PCDHGA1: variants seen among roughly 807,000 people sequenced by gnomAD.
The protein encoded by PCDHGA1 is protocadherin gamma subfamily A, 1.
PCDHGA1 carries 32 observed loss-of-function variants against 58.0 expected under a neutral mutation model. The ratio of observed to expected loss-of-function variants is 0.55; its 90% CI spans 0.42 to 0.74. The LOEUF (loss-of-function observed/expected upper bound fraction) is 0.74. PCDHGA1 is among the 30% of genes least tolerant of loss of function. PCDHGA1 has a pLI of 0.00. For missense variants in PCDHGA1, 1,205 were observed against 1,182.3 expected (o/e 1.02, Z -0.28); for synonymous variants, 498 against 501.1 (o/e 0.99, Z 0.08).
intron 1 of PCDHGA1, chr5:141,345,463 A>G (rs775001593): frequency 9.3e-6 from 15 of 1,614,042 alleles, no homozygotes; most frequent in Admixed American, 6.7e-5. Context: ...GTGACAGCCC[A>G]GGACCCAGAT....
intron 1 of PCDHGA1, chr5:141,343,393 G>A (rs1757282862): frequency 3.1e-6 from 3 of 980,536 alleles, no homozygotes; most frequent in East Asian, 1.1e-4. Context: ...AGAGGAGGTG[G>A]ATATCTTATC....
chr5:141,340,215 T>C, intron 1 of PCDHGA1: 1 of 1,614,122 alleles, frequency 6.2e-7, no homozygotes, highest in Non-Finnish European at 8.5e-7. Context: ...AGGGAACAGT[T>C]TTCCTTTTAC....
intron 1 of PCDHGA1, among the ~76,000 whole-genome samples, chr5:141,467,254 T>C (rs1291193879): frequency 2.0e-5 from 3 of 152,248 alleles, no homozygotes; most frequent in Admixed American, 6.5e-5. Flanking sequence ...GGTTTCACCA[T>C]GTTGGCCAGG....
intron 1 of PCDHGA1, among the ~76,000 whole-genome samples, chr5:141,450,564 G>A (rs1397334260): frequency 2.0e-5 from 3 of 151,932 alleles, no homozygotes; most frequent in African/African-American, 7.3e-5. Context: ...TCGGCTCACT[G>A]CAACTTCTGC....
At chr5:141,359,702 A>G (rs1341574293) in intron 1 of PCDHGA1, among the ~76,000 whole-genome samples, 1 of 152,168 alleles carries the variant, frequency 6.6e-6, no homozygotes, top group African/African-American at 2.4e-5. Flanking sequence ...CCGGAAGGAT[A>G]CCTAAGAAAC....
intron 1 of PCDHGA1, chr5:141,427,312 C>T (rs1438759401): frequency 4.4e-6 from 2 of 456,954 alleles, no homozygotes; most frequent in East Asian, 6.9e-5. Context: ...GACAATGCCC[C>T]AGACGTGGTT....
intron 1 of PCDHGA1, among the ~76,000 whole-genome samples, chr5:141,467,903 C>G (rs1256664266): frequency 6.6e-6 from 1 of 152,156 alleles, no homozygotes. Context: ...AAGAAATCCG[C>G]CCACCTCAGC....
At position 141,333,068 on chromosome 5, in the gene PCDHGA1, A is replaced by G. The variant is rs1756444610; in HGVS notation, c.2384A>G (p.Gln795Arg). Residue 795 changes from glutamine to arginine, a missense_variant, in exon 1 of 4, where the codon CAG becomes CGG. Coordinates refer to ENST00000517417, the MANE Select transcript of PCDHGA1 (RefSeq NM_018912.3). ...AAAAAGGGTTTTCTATCAGCACCCCAGTCTTTACTTGAAGACAAAAAGGAA... is the reference window on the plus strand; with the variant it reads ...AAAAAGGGTTTTCTATCAGCACCCCGGTCTTTACTTGAAGACAAAAAGGAA... Reference protein sequence around the residue: ...CEKKGFLSAPQSLLEDKKEPF... With the variant: ...CEKKGFLSAPRSLLEDKKEPF... The G allele has an allele frequency of 4.3e-6, 7 of 1,614,238 alleles. No homozygotes were observed. The highest frequency in any genetic ancestry group is 5.9e-6 in the Non-Finnish European group (7 of 1,180,044).
At chr5:141,449,106 T>A (rs2154562506) in intron 1 of PCDHGA1, among the ~76,000 whole-genome samples, 2 of 152,314 alleles carry the variant, frequency 1.3e-5, no homozygotes, top group East Asian at 3.9e-4. Context: ...ATGCAGTATA[T>A]CTTTGGGATG....
chr5:141,421,255 C>T lies in PCDHGA1; in HGVS notation c.2422-73552C>T, dbSNP rs759899934. On this transcript the variant is annotated intron_variant, in intron 1 of 3. Coordinates refer to ENST00000517417, the MANE Select transcript of PCDHGA1 (RefSeq NM_018912.3). ...GGCGAATCGGCTACAGCGCGGGGAC[C>T]GCAGTCGGCTGCTGCTGCTGCTGTG... 5.2e-5 allele frequency: 84 copies of T among 1,607,644 alleles called. No individual in the cohort carries two copies. Among genetic ancestry groups the T allele is most frequent in the Non-Finnish European group, 6.8e-5 (80 of 1,177,916 alleles).
intron 1 of PCDHGA1, chr5:141,345,659 C>A (rs752231427): frequency 1.9e-6 from 3 of 1,614,122 alleles, no homozygotes; most frequent in Non-Finnish European, 2.5e-6. Context: ...ACCCTCCACT[C>A]AGCAGCAACG....
chr5:141,442,343 G>A (rs1300318674), intron 1 of PCDHGA1: 1 of 152,336 alleles, frequency 6.6e-6, no homozygotes, highest in African/African-American at 2.4e-5. Context: ...CAGGTTTCTG[G>A]GTAACTGTAG....
chr5:141,478,394 G>T (rs2099453142), intron 1 of PCDHGA1: 4 of 1,613,586 alleles, frequency 2.5e-6, no homozygotes, highest in Non-Finnish European at 3.4e-6. Flanking sequence ...TTACCATCAG[G>T]TGTATCTCAC....
chr5:141,500,182 A>ATTTT lies in PCDHGA1; in HGVS notation c.2481-5209_2481-5206dup, dbSNP rs1199992745. Among the ~76,000 whole-genome samples the ATTTT allele has an allele frequency of 1.7e-3, 223 of 131,716 alleles. 2 individuals are homozygous for ATTTT. Among genetic ancestry groups the ATTTT allele is most frequent in the African/African-American group, 6.2e-3 (201 of 32,350 alleles). The allele number at this position is 131,716 out of a possible 152,430, so 86.4% of individuals were successfully genotyped here. On this transcript the variant is annotated intron_variant, in intron 2 of 3. Transcript: ENST00000517417. ...AAGAACATGCATGAGCTTCATTTTT[A>ATTTT]TTTTTATTTATTTATTTATTTATTT...
chr5:141,356,098 G>A (rs762147149), intron 1 of PCDHGA1: 3 of 1,613,902 alleles, frequency 1.9e-6, no homozygotes, highest in Admixed American at 1.7e-5. Context: ...TCTGAGTGGG[G>A]ATATAACAAT....
rs1375291090 is a variant in PCDHGA1, at chr5:141,392,672, T to A, written c.2421+59567T>A. 5.7e-6 allele frequency: 5 copies of A among 880,364 alleles called. No homozygotes were observed. In the Admixed American group the frequency reaches 1.3e-4, roughly 22 times the overall value. 54.5% of individuals were successfully genotyped at this position (880,364 alleles called of 1,614,324 possible). A position where few individuals can be genotyped will look rare whatever the true frequency, so the allele number is the denominator to read the frequency against. Reference sequence around the variant, plus strand: ...CCCGCAGATGCCACAAACTAACTGCTGGACTGCAGCGAAACCCGACCCCTG... The same window carrying A: ...CCCGCAGATGCCACAAACTAACTGCAGGACTGCAGCGAAACCCGACCCCTG... On this transcript the variant is annotated intron_variant, in intron 1 of 3. Transcript: ENST00000517417.
At chr5:141,355,399 G>T in intron 1 of PCDHGA1, 1 of 1,614,086 alleles carries the variant, frequency 6.2e-7, no homozygotes, top group Non-Finnish European at 8.5e-7. Flanking sequence ...AGTCCGCATC[G>T]TCTCCAGAGG....
rs1157645386 is a variant in PCDHGA1 at position 141,477,622 on chromosome 5, A to C, written c.2422-17185A>C. On this transcript the variant is annotated intron_variant, in intron 1 of 3. Coordinates refer to ENST00000517417, the MANE Select transcript of PCDHGA1 (RefSeq NM_018912.3). This position sits in a 1 kb window ranked among gnomAD's most constrained non-coding sequence, Gnocchi z 4.9. ...TCTTTCTCTTGGAGCAAGGAGCTGA[A>C]ACCGGGCTAGTGGGTCGCTATTTCA... 1 of 1,614,108 alleles carries C rather than the reference A, an allele frequency of 6.2e-7. No homozygotes were observed. The highest frequency in any genetic ancestry group is 2.2e-5 in the East Asian group (1 of 44,904).
intron 1 of PCDHGA1, chr5:141,427,677 C>G: frequency 1.2e-6 from 1 of 816,672 alleles, no homozygotes; most frequent in Non-Finnish European, 2.1e-6. Context: ...AAACAACCTT[C>G]CCGGAGCCTC....
Sources: allele counts gnomAD v4.1 joint callset (sites outside exome capture counted in the v4.1 genomes callset), GRCh38; gene constraint gnomAD v4.1.1; non-coding constraint Gnocchi (gnomAD v3.1); transcripts MANE v1.5; gene names NCBI Gene and HGNC (gene_info 2026-07-23, HGNC 2026-07-21).